The following ADGRL2 variants were observed in gnomAD, a reference collection of about 807,000 sequenced individuals.
The protein encoded by ADGRL2 is adhesion G protein-coupled receptor L2.
Under a neutral mutation model 157.4 loss-of-function variants are expected in ADGRL2, and 44 were observed. That is an observed-to-expected ratio of 0.28 (90% CI 0.22 to 0.36). ADGRL2 has a LOEUF of 0.36. Ranked by LOEUF, ADGRL2 falls within the 10% of genes least tolerant of loss-of-function variation. The pLI is 1.00. For missense variants in ADGRL2, 1,510 were observed against 1,768.9 expected, an observed-to-expected ratio of 0.85 and a Z score of 2.63; for synonymous variants, 585 against 624.7, an observed-to-expected ratio of 0.94 and a Z score of 0.95.
At chr1:81,557,523 AAGAG>A (rs529504839) in intron 2 of ADGRL2, 2 of 151,144 alleles carry the variant, frequency 1.3e-5, no homozygotes, top group Admixed American at 6.6e-5. Context: ...GAAAGAAAGA[AAGAG>A]AAGAAAGAAA....
intron 2 of ADGRL2, among the ~76,000 whole-genome samples, chr1:81,853,102 T>C (rs971763453): frequency 2.6e-5 from 4 of 152,270 alleles, no homozygotes; most frequent in Admixed American, 1.3e-4. Flanking sequence ...TTTTGGGGTA[T>C]CTGTTATCAC....
At position 81,342,126 on chromosome 1, in the gene ADGRL2, A is replaced by C. The variant is rs1261831733; in HGVS notation, c.-302+35617A>C. On this transcript the variant is annotated intron_variant, in intron 1 of 24. Coordinates refer to the ADGRL2 transcript ENST00000370721. ...ATCCTGCTATAGGGCTAGAATTATA[A>C]TACAACAAGCATAGGTATTTAACAG... Among the ~76,000 whole-genome samples, 6 of 152,194 alleles carry C rather than the reference A, an allele frequency of 3.9e-5. No individual in the cohort carries two copies. In the South Asian group the frequency reaches 1.2e-3, roughly 32 times the overall value.
At chr1:81,546,478 T>A (rs1233091858) in intron 2 of ADGRL2, among the ~76,000 whole-genome samples, 2 of 152,170 alleles carry the variant, frequency 1.3e-5, no homozygotes, top group African/African-American at 4.8e-5. Context: ...AACATTTCAT[T>A]CCCACAGATA....
chr1:81,533,775 ATCCAGC>A (rs926464373), intron 2 of ADGRL2, among the ~76,000 whole-genome samples: 2 of 152,170 alleles, frequency 1.3e-5, no homozygotes, highest in African/African-American at 4.8e-5. Flanking sequence ...ATAACTCCAT[ATCCAGC>A]TCCCTCCTCC....
chr1:81,360,967 A>G (rs1004895201), intron 1 of ADGRL2, among the ~76,000 whole-genome samples: 3 of 151,950 alleles, frequency 2.0e-5, no homozygotes, highest in Non-Finnish European at 4.4e-5. Context: ...AAATCTGTAG[A>G]TAACAGAGAA....
At chr1:81,507,327 A>T (rs958713792) in intron 2 of ADGRL2, among the ~76,000 whole-genome samples, 7 of 152,190 alleles carry the variant, frequency 4.6e-5, no homozygotes, top group Admixed American at 4.6e-4. Context: ...ACAAGGCGGC[A>T]CTAGCATTAA....
At chr1:81,655,375 T>A (rs1343693060) in intron 3 of ADGRL2, among the ~76,000 whole-genome samples, 2 of 152,128 alleles carry the variant, frequency 1.3e-5, no homozygotes, top group Non-Finnish European at 2.9e-5. Flanking sequence ...AAAGGTTAAG[T>A]CAATTGCCCC....
At chr1:81,483,206 C>A (rs4351691) in intron 2 of ADGRL2, among the ~76,000 whole-genome samples, 147,658 of 152,266 alleles carry the variant, frequency 0.97, 71,714 homozygotes, top group East Asian at 1. Context: ...TATAGCTTCT[C>A]ATGGACACTT....
chr1:81,719,140 A>G (rs1273261026), intron 1 of ADGRL2, among the ~76,000 whole-genome samples: 2 of 152,238 alleles, frequency 1.3e-5, no homozygotes, highest in African/African-American at 4.8e-5. Flanking sequence ...GGGTTCTTTA[A>G]AAGTTTGGTT....
At chr1:81,503,214 A>G (rs1170024996) in intron 2 of ADGRL2, 7 of 1,614,028 alleles carry the variant, frequency 4.3e-6, no homozygotes, top group Middle Eastern at 1.6e-4. Context: ...GGGAAGACAG[A>G]GCAGAGGCCT....
chr1:81,573,468 ACC>A (rs2080735992), intron 2 of ADGRL2, among the ~76,000 whole-genome samples: 2 of 152,010 alleles, frequency 1.3e-5, no homozygotes, highest in South Asian at 4.1e-4. Context: ...GTCTATGATC[ACC>A]AAAGATTTAA....
chr1:81,986,875 T>G (rs747620846), intron 21 of ADGRL2, 26 bp from the exon 22 acceptor site: 88 of 1,588,776 alleles, frequency 5.5e-5, no homozygotes, highest in Non-Finnish European at 7.3e-5. Flanking sequence ...TCTCTGTTTT[T>G]TTGTTGTTTT....
chr1:81,713,245 A>G (rs1238528187), intron 1 of ADGRL2, among the ~76,000 whole-genome samples: 1 of 152,034 alleles, frequency 6.6e-6, no homozygotes, highest in Non-Finnish European at 1.5e-5. Context: ...TTTGAGATAC[A>G]CTCTGAGACG....
chr1:81,344,803 G>A (rs1662361592), intron 1 of ADGRL2, among the ~76,000 whole-genome samples: 1 of 151,366 alleles, frequency 6.6e-6, no homozygotes, highest in Non-Finnish European at 1.5e-5. Context: ...ATTTGGCAAA[G>A]AAGCAGCTCA....
intron 1 of ADGRL2, among the ~76,000 whole-genome samples, chr1:81,729,975 T>A (rs185158698): frequency 6.6e-6 from 1 of 152,320 alleles, no homozygotes; most frequent in Admixed American, 6.5e-5. Context: ...ATAGAGATAG[T>A]TTCACCATGG....
intron 1 of ADGRL2, among the ~76,000 whole-genome samples, chr1:81,331,959 T>C (rs1661295432): frequency 6.6e-6 from 1 of 152,160 alleles, no homozygotes; most frequent in African/African-American, 2.4e-5. Flanking sequence ...GTCAGTTAAG[T>C]TGTATCTGTT....
At chr1:81,349,192 G>A (rs914234539) in intron 1 of ADGRL2, among the ~76,000 whole-genome samples, 1 of 152,166 alleles carries the variant, frequency 6.6e-6, no homozygotes, top group African/African-American at 2.4e-5. Context: ...ATTAAACCGT[G>A]TTGGGGATAT....
At chr1:81,847,418 G>A (rs1571638270) in intron 2 of ADGRL2, among the ~76,000 whole-genome samples, 1 of 151,924 alleles carries the variant, frequency 6.6e-6, no homozygotes, top group East Asian at 1.9e-4. Flanking sequence ...AAAATGTTTG[G>A]TCTAGAAAAT....
At chr1:81,503,083 C>A (rs1300102235) in intron 2 of ADGRL2, 2 of 1,609,298 alleles carry the variant, frequency 1.2e-6, no homozygotes, top group African/African-American at 1.3e-5. Flanking sequence ...GTCAGGGGAG[C>A]CTGCTGAGAA....
Sources: allele counts gnomAD v4.1 joint callset (sites outside exome capture counted in the v4.1 genomes callset), GRCh38; gene constraint gnomAD v4.1.1; transcripts MANE v1.5; gene names NCBI Gene and HGNC (gene_info 2026-07-23, HGNC 2026-07-21).